The following PSMD2 variants were observed in gnomAD, a reference collection of about 807,000 sequenced individuals.
PSMD2 encodes 26S proteasome non-ATPase regulatory subunit 2.
PSMD2 carries 8 observed loss-of-function variants against 101.5 expected under a neutral mutation model. The observed-to-expected ratio is 0.08, with a 90% CI of 0.05 to 0.14. The LOEUF is 0.14. Ranked by LOEUF, PSMD2 falls within the 10% of genes least tolerant of loss-of-function variation. The probability of loss-of-function intolerance (pLI) is 1.00; values close to 1 mark genes in which losing one functional copy is unlikely to be tolerated. For missense variants in PSMD2, 784 were observed against 1,147.4 expected (o/e 0.68, Z 4.58); for synonymous variants, 418 against 433.8 (o/e 0.96, Z 0.45).
rs1381645977 is a variant in PSMD2 at position 184,299,284 on chromosome 3, G to T, written c.18G>T (p.Arg6=). The change falls in exon 1 of 21, where the codon CGG becomes CGT. Residue 6 remains arginine, a synonymous_variant. Coordinates refer to ENST00000310118, the MANE Select transcript of PSMD2 (RefSeq NM_002808.5). MEEGG[R]DKAPVQPQQS... Reference sequence around the variant, plus strand: ...CGGCGGAGATGGAGGAGGGAGGCCGGGACAAGGCGCCGGTGCAGCCCCAGC... The same window carrying T: ...CGGCGGAGATGGAGGAGGGAGGCCGTGACAAGGCGCCGGTGCAGCCCCAGC... 5 of 1,364,532 alleles carry T rather than the reference G, an allele frequency of 3.7e-6. No individual in the cohort carries two copies. In the East Asian group the frequency reaches 1.2e-4, roughly 34 times the overall value. 84.5% of individuals were successfully genotyped at this position (1,364,532 alleles called of 1,614,324 possible). A position where few individuals can be genotyped will look rare whatever the true frequency, so the allele number is the denominator to read the frequency against.
intron 2 of PSMD2, 116 bp from the exon 3 acceptor site, chr3:184,300,164 G>A: frequency 8.7e-7 from 1 of 1,146,716 alleles, no homozygotes. Flanking sequence ...AGGAATCACA[G>A]ATGAATGAAT....
chr3:184,301,872 G>A lies in PSMD2; in HGVS notation c.505G>A (p.Glu169Lys), dbSNP rs1251018643. The A allele has an allele frequency of 4.3e-6, 7 of 1,614,088 alleles. No homozygotes were observed. The highest frequency in any genetic ancestry group is 1.3e-5 in the African/African-American group (1 of 74,944). ...VRHLAGEVAKEWQELDDAEKV... is the reference protein window; with the variant it reads ...VRHLAGEVAKKWQELDDAEKV... ...GCATCTGGCAGGAGAAGTGGCTAAG[G>A]AGTGGCAGGAGCTGGATGACGCAGA... Residue 169 changes from glutamate to lysine, a missense_variant, in exon 5 of 21, where the codon GAG (glutamate) becomes AAG (lysine). Transcript: ENST00000310118.
chr3:184,307,874 CCT>C lies in PSMD2; in HGVS notation c.2299-13_2299-12del. ...AGTGGTAACTCCTCACCTCTACTTCCCTCTGTTTTTTTCAGGGCCTGACACAT... is the reference window on the plus strand; with the variant it reads ...AGTGGTAACTCCTCACCTCTACTTCCCTGTTTTTTTCAGGGCCTGACACAT... On this transcript the variant is annotated splice_polypyrimidine_tract_variant and intron_variant, in intron 18 of 20. Transcript: ENST00000310118. The C allele has an allele frequency of 6.2e-7, 1 of 1,613,994 alleles. No individual in the cohort carries two copies. The highest frequency in any genetic ancestry group is 8.5e-7 in the Non-Finnish European group (1 of 1,179,988).
At chr3:184,307,575 A>T (rs1164663109) in intron 17 of PSMD2, 39 bp from the exon 18 acceptor site, 1 of 1,614,068 alleles carries the variant, frequency 6.2e-7, no homozygotes, top group Non-Finnish European at 8.5e-7. Flanking sequence ...GAAGATTTGA[A>T]GCCCCTTTTT....
chr3:184,300,736 T>TTA, intron 3 of PSMD2: 1 of 927,504 alleles, frequency 1.1e-6, no homozygotes, highest in Non-Finnish European at 1.4e-6. Flanking sequence ...ATACATTCAT[T>TTA]TATCTCTAAA....
Position 184,301,910 on chromosome 3 carries a change from G to A in PSMD2, c.543G>A (p.Arg181=). Residue 181 remains arginine, a synonymous_variant, in exon 5 of 21, where the codon CGG becomes CGA. Transcript: ENST00000310118. ...TGGATGACGCAGAGAAGGTCCAGCGGGAGCCTCTGCTCACTCTGGTGAAGG... is the reference window on the plus strand; with the variant it reads ...TGGATGACGCAGAGAAGGTCCAGCGAGAGCCTCTGCTCACTCTGGTGAAGG... ...QELDDAEKVQ[R]EPLLTLVKEI... 6.2e-7 allele frequency: 1 copy of A among 1,614,216 alleles called. No homozygotes were observed. The highest frequency in any genetic ancestry group is 8.5e-7 in the Non-Finnish European group (1 of 1,180,048).
intron 2 of PSMD2, 123 bp from the exon 3 acceptor site, chr3:184,300,157 A>C (rs1343689809): frequency 1.8e-6 from 2 of 1,090,794 alleles, no homozygotes; most frequent in Non-Finnish European, 2.6e-6. Context: ...GGAGTTGAGG[A>C]ATCACAGATG....
At chr3:184,300,557 A>G (rs1721607766) in intron 3 of PSMD2, 113 bp downstream of exon 3, 4 of 1,470,994 alleles carry the variant, frequency 2.7e-6, no homozygotes, top group African/African-American at 1.4e-5. Flanking sequence ...GCCGTGATCT[A>G]TTTGAGCAGA....
At chr3:184,306,855 A>G (rs763731000) in intron 16 of PSMD2, 21 bp downstream of exon 16, 1 of 1,601,258 alleles carries the variant, frequency 6.2e-7, no homozygotes, top group South Asian at 1.1e-5. Flanking sequence ...CATGAAGAAA[A>G]TTGGAATATA....
At position 184,307,402 on chromosome 3, in the gene PSMD2, C is replaced by G. The variant is rs1300721006; in HGVS notation, c.2080C>G (p.Leu694Val). The G allele has an allele frequency of 1.9e-6, 3 of 1,614,152 alleles. No individual in the cohort carries two copies. The Admixed American group carries it at 5.0e-5, about 27-fold the overall frequency. The change falls in exon 17 of 21, where the codon CTG becomes GTG. Residue 694 changes from leucine to valine, a missense_variant. Coordinates refer to ENST00000310118, the MANE Select transcript of PSMD2 (RefSeq NM_002808.5). ...PTLRRAVPLALALISVSNPRL... is the reference protein window; with the variant it reads ...PTLRRAVPLAVALISVSNPRL... ...ACTCCGGAGGGCTGTACCTTTAGCA[C>G]TGGCCCTCATCTCTGTTTCAAATCC...
intron 3 of PSMD2, chr3:184,300,743 T>C (rs1341828251): frequency 2.4e-6 from 2 of 843,998 alleles, no homozygotes; most frequent in Non-Finnish European, 1.5e-6. Context: ...CATTTATCTC[T>C]AAAATATGTT....
Position 184,300,309 on chromosome 3 carries a change from G to A in PSMD2, c.222G>A (p.Ala74=), listed in dbSNP as rs115847170. ...AGGATACATCCCTGTATCGACCAGC[G>A]CTGGAGGAATTGCGAAGGCAGATTC... ...GEKDTSLYRP[A]LEELRRQIRS... The change falls in exon 3 of 21, where the codon GCG becomes GCA. Residue 74 remains alanine, a synonymous_variant. Transcript: ENST00000310118. 7.4e-6 allele frequency: 12 copies of A among 1,613,906 alleles called. No homozygotes were observed. The East Asian group carries it at 1.6e-4, about 21-fold the overall frequency.
chr3:184,304,501 T>C lies in PSMD2; in HGVS notation c.1539+110T>C. On this transcript the variant is annotated intron_variant, in intron 12 of 20. Coordinates refer to ENST00000310118, the MANE Select transcript of PSMD2 (RefSeq NM_002808.5). This position sits in a 1 kb window ranked among gnomAD's most constrained non-coding sequence, Gnocchi z 4.1. ...AAGTGTGTGCATGTGTGCATACATGTACATGCCTGTTGGTGTGTATTGAGG... is the reference window on the plus strand; with the variant it reads ...AAGTGTGTGCATGTGTGCATACATGCACATGCCTGTTGGTGTGTATTGAGG... The C allele has an allele frequency of 7.4e-6, 8 of 1,086,876 alleles. No individual in the cohort carries two copies. Among genetic ancestry groups the C allele is most frequent in the Non-Finnish European group, 1.1e-5 (8 of 714,154 alleles). The allele number at this position is 1,086,876 out of a possible 1,614,324, so 67.3% of individuals were successfully genotyped here.
rs1721752994 is a variant in PSMD2 at position 184,304,333 on chromosome 3, G to A, written c.1481G>A (p.Arg494His). ...GGCTTGGCTTATGCTGGCTCAAATC[G>A]TGAAGATGTCCTAACACTGCTGCTG... Reference protein sequence around the residue: ...GLGLAYAGSNREDVLTLLLPV... With the variant: ...GLGLAYAGSNHEDVLTLLLPV... Residue 494 changes from arginine (R) to histidine (H), a missense_variant, in exon 12 of 21, where the codon CGT becomes CAT. By Grantham distance (29) the Arg-to-His change is conservative. This residue lies in a region of PSMD2 where 282 missense variants were observed against 437.6 expected (regional missense o/e 0.64). Transcript: ENST00000310118. The surrounding 1 kb of genome is among the most constrained non-coding windows in gnomAD (Gnocchi z 4.1). 1.2e-6 allele frequency: 2 copies of A among 1,614,160 alleles called. No individual in the cohort carries two copies. Among genetic ancestry groups the A allele is most frequent in the East Asian group, 2.2e-5 (1 of 44,886 alleles).
rs1248659202 is a variant in PSMD2 at position 184,299,319 on chromosome 3, C to T, written c.53C>T (p.Ala18Val). 2.9e-6 allele frequency: 4 copies of T among 1,400,394 alleles called. No individual in the cohort carries two copies. Among genetic ancestry groups the T allele is most frequent in the Non-Finnish European group, 2.8e-6 (3 of 1,080,768 alleles). The allele number at this position is 1,400,394 out of a possible 1,614,324, so 86.7% of individuals were successfully genotyped here. The change falls in exon 1 of 21, where the codon GCG becomes GTG. Residue 18 changes from alanine (A) to valine (V), a missense_variant. This residue lies in a region of PSMD2 where 196 missense variants were observed against 182.4 expected (regional missense o/e 1.07). Transcript: ENST00000310118. The part of the protein sequence containing the change: ...KAPVQPQQSP[A>V]AAPGGTDEKP... ...CCGGTGCAGCCCCAGCAGTCTCCAGCGGCGGCCCCCGGCGGCACGGACGAG... is the reference window on the plus strand; with the variant it reads ...CCGGTGCAGCCCCAGCAGTCTCCAGTGGCGGCCCCCGGCGGCACGGACGAG...
intron 5 of PSMD2, 68 bp downstream of exon 5, chr3:184,302,139 C>T (rs1034078440): frequency 8.0e-6 from 12 of 1,491,340 alleles, no homozygotes; most frequent in African/African-American, 1.4e-5. Context: ...AATTGCGCCT[C>T]CTCTATTTTC....
Position 184,308,124 on chromosome 3 carries a change from C to T in PSMD2, c.2425+108C>T, listed in dbSNP as rs997635151. The stretch of plus-strand genomic sequence containing the variant: ...TCAAGACCCCAGTTTAGCTCTGTAT[C>T]GCTCTAGGTTTCTGAGACAGGCTTT... On this transcript the variant is annotated intron_variant, in intron 19 of 20. Transcript: ENST00000310118. The surrounding 1 kb of genome is among the most constrained non-coding windows in gnomAD (Gnocchi z 6.0). 2.8e-5 allele frequency: 39 copies of T among 1,400,098 alleles called. No individual in the cohort carries two copies. The highest frequency in any genetic ancestry group is 9.4e-5 in the East Asian group (4 of 42,386). 86.7% of individuals were successfully genotyped at this position (1,400,098 alleles called of 1,614,324 possible).
rs1721934125 is a variant in PSMD2 at position 184,308,799 on chromosome 3, G to A, written c.2636G>A (p.Arg879Gln). 6.2e-7 allele frequency: 1 copy of A among 1,613,720 alleles called. No individual in the cohort carries two copies. The highest frequency in any genetic ancestry group is 1.7e-5 in the Admixed American group (1 of 59,998). Residue 879 changes from arginine (R) to glutamine (Q), a missense_variant, in exon 21 of 21, where the codon CGG (arginine) becomes CAG (glutamine). Coordinates refer to ENST00000310118, the MANE Select transcript of PSMD2 (RefSeq NM_002808.5). This position sits in a 1 kb window ranked among gnomAD's most constrained non-coding sequence, Gnocchi z 6.0. ...CCAGTGTTGTTGGCCCACGGGGAAC[G>A]GGCAGAATTGGCCACTGAGGAGTTT... Reference protein sequence around the residue: ...TTPVLLAHGERAELATEEFLP... With the variant: ...TTPVLLAHGEQAELATEEFLP...
chr3:184,309,006 T>C lies in PSMD2; in HGVS notation c.*116T>C. On this transcript the variant is annotated 3_prime_UTR_variant, in exon 21 of 21. Coordinates refer to ENST00000310118, the MANE Select transcript of PSMD2 (RefSeq NM_002808.5). ...GGAATTGTCGCCTCCTGCTCTTTTG[T>C]TACTGAGTGAGATAAGGTTGTTCAA... 1 of 1,084,688 alleles carries C rather than the reference T, an allele frequency of 9.2e-7. No individual in the cohort carries two copies. The highest frequency in any genetic ancestry group is 1.3e-6 in the Non-Finnish European group (1 of 746,946). 67.2% of individuals were successfully genotyped at this position (1,084,688 alleles called of 1,614,324 possible).
Sources: gnomAD v4.1 joint callset for allele counts on GRCh38, gnomAD v4.1.1 for gene constraint, gnomAD v4.1.1 regional missense constraint, Gnocchi (gnomAD v3.1) non-coding constraint, MANE v1.5 for transcripts, NCBI Gene and HGNC (gene_info 2026-07-23, HGNC 2026-07-21) for gene names.